Variants in ID4 observed in about 807,000 individuals in gnomAD.
ID4 encodes inhibitor of DNA binding 4, also known as DNA-binding protein inhibitor ID-4.
ID4 carries 9 observed loss-of-function variants against 8.6 expected under a neutral mutation model. The ratio of observed to expected loss-of-function variants is 1.04; its 90% CI spans 0.63 to 1.82. The LOEUF is 1.82. Ranked by LOEUF, ID4 falls within the 40% of genes most tolerant of loss-of-function variation. The pLI, the probability that ID4 is intolerant of heterozygous loss-of-function variation, is 0.00. For synonymous variants in ID4, 180 were observed against 118.0 expected (o/e 1.53, Z -3.41); for missense variants, 270 against 235.1 (o/e 1.15, Z -0.97).
At chr6:19,838,812 C>T (rs1266042909) in intron 2 of ID4, 170 bp downstream of exon 2, 5 of 608,388 alleles carry the variant, frequency 8.2e-6, no homozygotes, top group East Asian at 5.7e-5. Flanking sequence ...TAAACCCGTA[C>T]TTAGCCTTAG....
chr6:19,838,742 T>G lies in ID4; in HGVS notation c.*14+100T>G, dbSNP rs1761288288. On this transcript the variant is annotated intron_variant, in intron 2 of 2. Transcript: ENST00000378700. ...CCGCGGTGTTCTTTGCCCCCAGCGT[T>G]TCTGAGAGCAAACTCCCAAGGAAGT... 3.9e-6 allele frequency: 4 copies of G among 1,013,336 alleles called. No individual in the cohort carries two copies. The Admixed American group carries it at 8.2e-5, about 21-fold the overall frequency. 62.8% of individuals were successfully genotyped at this position (1,013,336 alleles called of 1,614,324 possible).
chr6:19,838,687 C>T, intron 2 of ID4, 45 bp downstream of exon 2: 2 of 1,572,828 alleles, frequency 1.3e-6, no homozygotes, highest in Non-Finnish European at 8.7e-7. Flanking sequence ...ACCAGAGACG[C>T]CCGTCCCCGA....
Position 19,838,024 on chromosome 6 carries a change from A to G in ID4, c.270A>G (p.Lys90=). Reference sequence around the variant, plus strand: ...TCCCGCCCAACAAGAAAGTCAGCAAAGTGGAGATCCTGCAGCACGTTATCG... The same window carrying G: ...TCCCGCCCAACAAGAAAGTCAGCAAGGTGGAGATCCTGCAGCACGTTATCG... ...PTIPPNKKVS[K]VEILQHVIDY... is the part of the protein sequence containing the mutation. Residue 90 remains lysine (K), a synonymous_variant, in exon 1 of 3, where the codon AAA becomes AAG. Coordinates refer to ENST00000378700, the MANE Select transcript of ID4 (RefSeq NM_001546.4). 1.2e-6 allele frequency: 2 copies of G among 1,605,732 alleles called. No individual in the cohort carries two copies. The highest frequency in any genetic ancestry group is 1.7e-6 in the Non-Finnish European group (2 of 1,175,896).
chr6:19,838,697 A>G, intron 2 of ID4, 55 bp downstream of exon 2: 1 of 1,525,250 alleles, frequency 6.6e-7, no homozygotes, highest in Non-Finnish European at 9.1e-7. Context: ...CCCGTCCCCG[A>G]GGGCTTCCGG....
chr6:19,837,386 A>C lies in ID4; in HGVS notation c.-369A>C, dbSNP rs1436790483. ...GGGCCGGGCGAGAGCGTAGTGGAGG[A>C]GGCGCGGTTGTGAGTAGTACCGGGA... On this transcript the variant is annotated 5_prime_UTR_variant, in exon 1 of 3. Transcript: ENST00000378700. The C allele has an allele frequency of 2.6e-5, 4 of 152,328 alleles. No homozygotes were observed. Among genetic ancestry groups the C allele is most frequent in the Admixed American group, 6.6e-5 (1 of 15,234 alleles). 9.4% of individuals were successfully genotyped at this position (152,328 alleles called of 1,614,324 possible). A position where few individuals can be genotyped will look rare whatever the true frequency, so the allele number is the denominator to read the frequency against.
chr6:19,840,174 T>C lies in ID4; in HGVS notation c.*979T>C, dbSNP rs765074135. 2 of 152,590 alleles carry C rather than the reference T, an allele frequency of 1.3e-5. No individual in the cohort carries two copies. Among genetic ancestry groups the C allele is most frequent in the African/African-American group, 2.4e-5 (1 of 41,440 alleles). 9.5% of individuals were successfully genotyped at this position (152,590 alleles called of 1,614,324 possible). On this transcript the variant is annotated 3_prime_UTR_variant, in exon 3 of 3. Coordinates refer to ENST00000378700, the MANE Select transcript of ID4 (RefSeq NM_001546.4). ...GTAATATATACAGAGTAAGTGTTTG[T>C]TTTTGTTTTTCAACTGAGGTCAAAA...
chr6:19,838,192 C>G lies in ID4; in HGVS notation c.438C>G (p.Asp146Glu). Residue 146 changes from aspartate (D) to glutamate (E), a missense_variant, in exon 1 of 3, where the codon GAC (aspartate) becomes GAG (glutamate). This residue lies in a region of ID4 where 107 missense variants were observed against 81.0 expected (regional missense o/e 1.32). Coordinates refer to ENST00000378700, the MANE Select transcript of ID4 (RefSeq NM_001546.4). ...CCCCGCTCACTGCGCTCAACACCGA[C>G]CCGGTGAGAGGCCGGGCGCCGGCCG... is the stretch of plus-strand genomic sequence containing the variant. ...PRTPLTALNT[D>E]PAGAVNKQGD... The G allele has an allele frequency of 7.2e-7, 1 of 1,389,530 alleles. No homozygotes were observed. The highest frequency in any genetic ancestry group is 9.3e-7 in the Non-Finnish European group (1 of 1,075,442). The allele number at this position is 1,389,530 out of a possible 1,614,324, so 86.1% of individuals were successfully genotyped here.
At position 19,837,466 on chromosome 6, in the gene ID4, G is replaced by A. The variant is rs911734771; in HGVS notation, c.-289G>A. 17 of 160,854 alleles carry A rather than the reference G, an allele frequency of 1.1e-4. No homozygotes were observed. Among genetic ancestry groups the A allele is most frequent in the Non-Finnish European group, 2.0e-4 (15 of 74,128 alleles). 10.0% of individuals were successfully genotyped at this position (160,854 alleles called of 1,614,324 possible). A position where few individuals can be genotyped will look rare whatever the true frequency, so the allele number is the denominator to read the frequency against. On this transcript the variant is annotated 5_prime_UTR_variant, in exon 1 of 3. Coordinates refer to ENST00000378700, the MANE Select transcript of ID4 (RefSeq NM_001546.4). ...GCGGCCGCGATCGGGCTTAGTCGGA[G>A]CTCCGAAGGGAGTGACTAGGACACC...
Position 19,837,805 on chromosome 6 carries a change from C to G in ID4, c.51C>G (p.Gly17=). ...CCTCGGGCCGCAAGGCGCCGTCGGG[C>G]TGCGGCGGCGGGGAGCTGGCGCTGC... is the stretch of plus-strand genomic sequence containing the variant. ...VRPSGRKAPS[G]CGGGELALRC... Residue 17 remains glycine, a synonymous_variant, in exon 1 of 3, where the codon GGC becomes GGG. Transcript: ENST00000378700. 8.8e-7 allele frequency: 1 copy of G among 1,132,236 alleles called. No individual in the cohort carries two copies. Among genetic ancestry groups the G allele is most frequent in the Non-Finnish European group, 1.1e-6 (1 of 925,170 alleles). The allele number at this position is 1,132,236 out of a possible 1,614,324, so 70.1% of individuals were successfully genotyped here. A position where few individuals can be genotyped will look rare whatever the true frequency, so the allele number is the denominator to read the frequency against.
At position 19,837,874 on chromosome 6, in the gene ID4, CGCGGCGGCG is replaced by C. The variant is rs537169414; in HGVS notation, c.132_140del (p.Ala46_Ala48del). ...GCCACAGCCTGGGTGGCTCCGCAGC[CGCGGCGGCG>C]GCGGCGGCGGCAGCGCGCTGTAAGG... On this transcript the variant is annotated inframe_deletion, in exon 1 of 3. Transcript: ENST00000378700. 40 of 1,277,066 alleles carry C rather than the reference CGCGGCGGCG, an allele frequency of 3.1e-5. No individual in the cohort carries two copies. Among genetic ancestry groups the C allele is most frequent in the South Asian group, 5.2e-5 (2 of 38,124 alleles). 79.1% of individuals were successfully genotyped at this position (1,277,066 alleles called of 1,614,324 possible).
rs1202229052 is a variant in ID4 at position 19,837,914 on chromosome 6, G to A, written c.160G>A (p.Glu54Lys). ...AAAAARCKAAEAAADEPALCL... is the reference protein window; with the variant it reads ...AAAAARCKAAKAAADEPALCL... The stretch of plus-strand genomic sequence containing the variant: ...GGCGGCAGCGCGCTGTAAGGCGGCC[G>A]AGGCGGCGGCCGACGAGCCGGCGCT... Residue 54 changes from glutamate to lysine, a missense_variant, in exon 1 of 3, where the codon GAG (glutamate) becomes AAG (lysine). Transcript: ENST00000378700. 1.4e-6 allele frequency: 2 copies of A among 1,422,770 alleles called. No individual in the cohort carries two copies. The highest frequency in any genetic ancestry group is 9.3e-7 in the Non-Finnish European group (1 of 1,079,078). 88.1% of individuals were successfully genotyped at this position (1,422,770 alleles called of 1,614,324 possible). A position where few individuals can be genotyped will look rare whatever the true frequency, so the allele number is the denominator to read the frequency against.
chr6:19,838,903 C>A, intron 2 of ID4: 1 of 539,018 alleles, frequency 1.9e-6, no homozygotes, highest in Non-Finnish European at 3.3e-6. Flanking sequence ...TCAGCGGGCT[C>A]TTCTGCCTTC....
At chr6:19,838,664 CGGGT>C (rs781034541) in intron 2 of ID4, 22 bp downstream of exon 2, 1 of 1,606,910 alleles carries the variant, frequency 6.2e-7, no homozygotes, top group African/African-American at 1.3e-5. Flanking sequence ...TTTCCCGTCT[CGGGT>C]GGCCGGTCAC....
chr6:19,837,975 G>C lies in ID4; in HGVS notation c.221G>C (p.Arg74Pro). 1 of 1,587,840 alleles carries C rather than the reference G, an allele frequency of 6.3e-7. No individual in the cohort carries two copies. Among genetic ancestry groups the C allele is most frequent in the Middle Eastern group, 1.7e-4 (1 of 5,984 alleles). Residue 74 changes from arginine (R) to proline (P), a missense_variant, in exon 1 of 3, where the codon CGC (arginine) becomes CCC (proline). This residue lies in a region of ID4 where 160 missense variants were observed against 131.5 expected (regional missense o/e 1.22). Coordinates refer to ENST00000378700, the MANE Select transcript of ID4 (RefSeq NM_001546.4). ...LQCDMNDCYS[R>P]LRRLVPTIPP... is the part of the protein sequence containing the mutation. Reference sequence around the variant, plus strand: ...TGCGATATGAACGACTGCTATAGCCGCCTGCGGAGGCTGGTGCCCACCATC... The same window carrying C: ...TGCGATATGAACGACTGCTATAGCCCCCTGCGGAGGCTGGTGCCCACCATC...
At position 19,838,260 on chromosome 6, in the gene ID4, C is replaced by T. The variant is rs935637735; in HGVS notation, c.441+65C>T. ...GGATGGGAGGTTGGTGGCGTGGTGGCGGGACGCGGGCGCTCACCGTCCTCC... is the reference window on the plus strand; with the variant it reads ...GGATGGGAGGTTGGTGGCGTGGTGGTGGGACGCGGGCGCTCACCGTCCTCC... On this transcript the variant is annotated intron_variant, in intron 1 of 2. Coordinates refer to ENST00000378700, the MANE Select transcript of ID4 (RefSeq NM_001546.4). 120 of 1,274,124 alleles carry T rather than the reference C, an allele frequency of 9.4e-5. 1 individual carries two copies. The African/African-American group carries it at 1.5e-3, about 16-fold the overall frequency. 78.9% of individuals were successfully genotyped at this position (1,274,124 alleles called of 1,614,324 possible).
chr6:19,837,917 G>GCGGCGGCCGACGAGC lies in ID4; in HGVS notation c.169_183dup (p.Ala57_Ala61dup), dbSNP rs750961576. 13 of 1,427,530 alleles carry GCGGCGGCCGACGAGC rather than the reference G, an allele frequency of 9.1e-6. No individual in the cohort carries two copies. Among genetic ancestry groups the GCGGCGGCCGACGAGC allele is most frequent in the South Asian group, 9.0e-5 (6 of 66,738 alleles). 88.4% of individuals were successfully genotyped at this position (1,427,530 alleles called of 1,614,324 possible). On this transcript the variant is annotated inframe_insertion, in exon 1 of 3. Coordinates refer to ENST00000378700, the MANE Select transcript of ID4 (RefSeq NM_001546.4). Reference sequence around the variant, plus strand: ...GGCAGCGCGCTGTAAGGCGGCCGAGGCGGCGGCCGACGAGCCGGCGCTGTG... The same window carrying GCGGCGGCCGACGAGC: ...GGCAGCGCGCTGTAAGGCGGCCGAGGCGGCGGCCGACGAGCCGGCGGCCGACGAGCCGGCGCTGTG...
chr6:19,839,493 T>TTAA lies in ID4; in HGVS notation c.*299_*301dup, dbSNP rs1232398359. ...TGGAGGTGCAGTTAAACTTTTAAGC[T>TTAA]TAAGTGTGACAGGACTGATAAATAG... On this transcript the variant is annotated 3_prime_UTR_variant, in exon 3 of 3. Coordinates refer to ENST00000378700, the MANE Select transcript of ID4 (RefSeq NM_001546.4). The TTAA allele has an allele frequency of 6.6e-6, 1 of 152,664 alleles. No homozygotes were observed. Among genetic ancestry groups the TTAA allele is most frequent in the African/African-American group, 2.4e-5 (1 of 41,474 alleles). The allele number at this position is 152,664 out of a possible 1,614,324, so 9.5% of individuals were successfully genotyped here.
chr6:19,838,554 C>T (rs776868548), intron 1 of ID4, 30 bp from the exon 2 acceptor site: 102 of 1,613,834 alleles, frequency 6.3e-5, no homozygotes, highest in East Asian at 5.1e-4. Flanking sequence ...GCCTGCTAAC[C>T]TTTCCCTTGG....
In ID4 at chr6:19,839,860, A is replaced by G. The variant is rs1419239851; in HGVS notation, c.*665A>G. 5 of 151,964 alleles carry G rather than the reference A, an allele frequency of 3.3e-5. No individual in the cohort carries two copies. In the East Asian group the frequency reaches 9.6e-4, roughly 29 times the overall value. 9.4% of individuals were successfully genotyped at this position (151,964 alleles called of 1,614,324 possible). ...GTGTTTTTTTTTAATCTATGGGAAT[A>G]TTTCTTTTGGAAAATCATTTTTCAG... On this transcript the variant is annotated 3_prime_UTR_variant, in exon 3 of 3. Transcript: ENST00000378700.
Sources: gnomAD v4.1 joint callset for allele counts on GRCh38, gnomAD v4.1.1 for gene constraint, gnomAD v4.1.1 regional missense constraint, MANE v1.5 for transcripts, NCBI Gene and HGNC (gene_info 2026-07-23, HGNC 2026-07-21) for gene names.